The following R3HCC1L variants were observed in gnomAD, a reference collection of about 807,000 sequenced individuals.
R3HCC1L encodes coiled-coil domain-containing protein R3HCC1L.
R3HCC1L carries 51 observed loss-of-function variants against 59.9 expected under a neutral mutation model. The observed-to-expected ratio is 0.85, with a 90% confidence interval of 0.68 to 1.07. The LOEUF (loss-of-function observed/expected upper bound fraction) is 1.07, where lower values mean the gene tolerates loss of function less well. Among genes scored for constraint, R3HCC1L ranks in the 50% least tolerant of loss-of-function variants. The pLI is 0.00. For missense variants in R3HCC1L, 965 were observed against 933.0 expected (o/e 1.03, Z -0.45); for synonymous variants, 322 against 315.2 (o/e 1.02, Z -0.23).
At chr10:98,197,716 C>T (rs1851594295) in intron 4 of R3HCC1L, among the ~76,000 whole-genome samples, 1 of 152,102 alleles carries the variant, frequency 6.6e-6, no homozygotes, top group Admixed American at 6.6e-5. Context: ...ACTAACTCTA[C>T]ACTGAAGAAG....
intron 6 of R3HCC1L, among the ~76,000 whole-genome samples, chr10:98,233,930 G>A (rs966004260): frequency 2.0e-5 from 3 of 151,186 alleles, no homozygotes; most frequent in Admixed American, 6.6e-5. Context: ...TTTTTTCCCC[G>A]TTACTTGACT....
At chr10:98,242,797 C>T (rs748427332) in intron 9 of R3HCC1L, among the ~76,000 whole-genome samples, 1 of 152,218 alleles carries the variant, frequency 6.6e-6, no homozygotes, top group Non-Finnish European at 1.5e-5. Context: ...CTCCTCCTAA[C>T]TTCTCCATGT....
At chr10:98,156,711 TG>T (rs1846916895) in intron 2 of R3HCC1L, among the ~76,000 whole-genome samples, 1 of 152,178 alleles carries the variant, frequency 6.6e-6, no homozygotes, top group Admixed American at 6.5e-5. Flanking sequence ...GGTTGGCACT[TG>T]GGTATTTTAT....
At chr10:98,183,555 C>G (rs1275092812) in intron 4 of R3HCC1L, among the ~76,000 whole-genome samples, 1 of 151,798 alleles carries the variant, frequency 6.6e-6, no homozygotes, top group African/African-American at 2.4e-5. Context: ...TTGTTTCTGT[C>G]TTATTGTCTC....
chr10:98,228,682 G>C (rs1255075253), intron 5 of R3HCC1L, among the ~76,000 whole-genome samples: 1 of 152,174 alleles, frequency 6.6e-6, no homozygotes, highest in Admixed American at 6.5e-5. Context: ...GAGTGGTATT[G>C]CCTAGGTTTT....
chr10:98,173,182 G>A (rs1369445583), intron 4 of R3HCC1L, among the ~76,000 whole-genome samples: 1 of 152,150 alleles, frequency 6.6e-6, no homozygotes, highest in Non-Finnish European at 1.5e-5. Context: ...GCAAGAAAAT[G>A]GATGATCCCT....
rs1369753911 is a variant in R3HCC1L, at chr10:98,210,807, AT to A, written c.1785+911del. On this transcript the variant is annotated intron_variant, in intron 5 of 9. Coordinates refer to ENST00000298999, the MANE Select transcript of R3HCC1L (RefSeq NM_001351015.2). ...ACGAGACTATTTCCTCACCTAAAGG[AT>A]TTCTTTTGAGGCATTCCAAAGACCC... Among the ~76,000 whole-genome samples the A allele has an allele frequency of 2.0e-5, 3 of 152,186 alleles. No homozygotes were observed. The East Asian group carries it at 5.8e-4, about 29-fold the overall frequency.
rs779147603 is a variant in R3HCC1L at position 98,236,105 on chromosome 10, G to A, written c.2210G>A (p.Arg737Gln). 9 of 1,613,936 alleles carry A rather than the reference G, an allele frequency of 5.6e-6. No individual in the cohort carries two copies. The highest frequency in any genetic ancestry group is 1.7e-4 in the Middle Eastern group (1 of 6,058). ...RRLVISALGV[R>Q]SKQSKTEREA... ...TTAGTCATCAGTGCCCTTGGGGTTCGAAGTAAGCAGAGCAAAACCGAACGA... is the reference window on the plus strand; with the variant it reads ...TTAGTCATCAGTGCCCTTGGGGTTCAAAGTAAGCAGAGCAAAACCGAACGA... Residue 737 changes from arginine to glutamine, a missense_variant, in exon 9 of 10, where the codon CGA becomes CAA. Transcript: ENST00000298999.
At position 98,163,276 on chromosome 10, in the gene R3HCC1L, TTATTAC is replaced by T; in HGVS notation, c.-119-12_-119-7del. 2.0e-6 allele frequency: 1 copy of T among 503,394 alleles called. No individual in the cohort carries two copies. Among genetic ancestry groups the T allele is most frequent in the Non-Finnish European group, 3.3e-6 (1 of 298,830 alleles). The allele number at this position is 503,394 out of a possible 1,614,324, so 31.2% of individuals were successfully genotyped here. ...TGTGTATTTTTATAAAAATAACTTA[TTATTAC>T]TATTTTTCAGGTGAGGCTGCTGTCA... On this transcript the variant is annotated splice_polypyrimidine_tract_variant and intron_variant, in intron 3 of 9. Coordinates refer to ENST00000298999, the MANE Select transcript of R3HCC1L (RefSeq NM_001351015.2).
In R3HCC1L at chr10:98,208,645, C is replaced by A. The variant is rs1853070950; in HGVS notation, c.531C>A (p.Ser177Arg). ...AAATCAGCGAGGCTCAAGTTCCAAG[C>A]AAACCATTCCAAAATGTGGAATTCT... ...CLEISEAQVP[S>R]KPFQNVEFCD... The change falls in exon 5 of 10, where the codon AGC (serine) becomes AGA (arginine). Residue 177 changes from serine to arginine, a missense_variant. By Grantham distance (110) the Ser-to-Arg change is moderately radical. Transcript: ENST00000298999. 6.2e-7 allele frequency: 1 copy of A among 1,613,948 alleles called. No individual in the cohort carries two copies. Among genetic ancestry groups the A allele is most frequent in the African/African-American group, 1.3e-5 (1 of 74,894 alleles).
At position 98,209,385 on chromosome 10, in the gene R3HCC1L, CT is replaced by C. The variant is rs768041776; in HGVS notation, c.1272del (p.Leu425PhefsTer3). 1.2e-6 allele frequency: 2 copies of C among 1,613,930 alleles called. No homozygotes were observed. Among genetic ancestry groups the C allele is most frequent in the Non-Finnish European group, 1.7e-6 (2 of 1,179,982 alleles). On this transcript the variant is annotated frameshift_variant, in exon 5 of 10. Coordinates refer to ENST00000298999, the MANE Select transcript of R3HCC1L (RefSeq NM_001351015.2). LOFTEE classifies it high-confidence loss of function. The stretch of plus-strand genomic sequence containing the variant: ...GTAGGAATGAGTGCAGATGCAACCC[CT>C]CTTCATGTAGCTAGAAGTGGGAATG... ...KFVGMSADAT[P>X]LHVARSGNDT...
At chr10:98,196,076 G>A (rs947151123) in intron 4 of R3HCC1L, among the ~76,000 whole-genome samples, 1 of 152,120 alleles carries the variant, frequency 6.6e-6, no homozygotes, top group African/African-American at 2.4e-5. Context: ...GAATAGAGGA[G>A]TGCAAAATAT....
intron 4 of R3HCC1L, among the ~76,000 whole-genome samples, chr10:98,166,969 C>A (rs1179264221): frequency 6.6e-6 from 1 of 152,022 alleles, no homozygotes; most frequent in Non-Finnish European, 1.5e-5. Flanking sequence ...CTGACCCCTA[C>A]TTTATAATTT....
At chr10:98,168,661 G>A (rs1848202823) in intron 4 of R3HCC1L, among the ~76,000 whole-genome samples, 1 of 152,152 alleles carries the variant, frequency 6.6e-6, no homozygotes, top group African/African-American at 2.4e-5. Flanking sequence ...AATGTCCAAG[G>A]CAGAGGCAGA....
chr10:98,169,482 T>A (rs950521097), intron 4 of R3HCC1L, among the ~76,000 whole-genome samples: 1 of 152,240 alleles, frequency 6.6e-6, no homozygotes, highest in African/African-American at 2.4e-5. Context: ...GTAAGCACTC[T>A]GTAAATGGTA....
chr10:98,221,723 G>T (rs982894429), intron 5 of R3HCC1L, among the ~76,000 whole-genome samples: 1 of 152,110 alleles, frequency 6.6e-6, no homozygotes, highest in Non-Finnish European at 1.5e-5. Flanking sequence ...GCTCTGTTCT[G>T]TTCCATTGAT....
At chr10:98,137,899 T>TTATTTG (rs1456100795) in intron 1 of R3HCC1L, among the ~76,000 whole-genome samples, 1 of 152,222 alleles carries the variant, frequency 6.6e-6, no homozygotes, top group Admixed American at 6.5e-5. Flanking sequence ...ATTTTTATTT[T>TTATTTG]TTTTAAGCCA....
At chr10:98,185,521 G>A (rs1490401265) in intron 4 of R3HCC1L, among the ~76,000 whole-genome samples, 2 of 152,194 alleles carry the variant, frequency 1.3e-5, no homozygotes, top group Non-Finnish European at 2.9e-5. Flanking sequence ...ATGGCTGGGA[G>A]GCTGTAGGGA....
At chr10:98,185,562 A>T (rs1564662669) in intron 4 of R3HCC1L, among the ~76,000 whole-genome samples, 1 of 152,176 alleles carries the variant, frequency 6.6e-6, no homozygotes, top group Non-Finnish European at 1.5e-5. Flanking sequence ...GAGATTATCC[A>T]GTAGCTAAGA....
Sources: gnomAD v4.1 joint callset for allele counts (sites outside exome capture counted in the v4.1 genomes callset) on GRCh38, gnomAD v4.1.1 for gene constraint, MANE v1.5 for transcripts, NCBI Gene and HGNC (gene_info 2026-07-23, HGNC 2026-07-21) for gene names.